Variants in TFDP2 observed in about 807,000 individuals in gnomAD.
TFDP2 encodes the protein transcription factor Dp-2 (E2F dimerization partner 2).
Under a neutral mutation model 59.3 loss-of-function variants are expected in TFDP2, and 17 were observed. The observed-to-expected ratio is 0.29, with a 90% CI of 0.20 to 0.43. The LOEUF (loss-of-function observed/expected upper bound fraction) is 0.43, where lower values mean the gene tolerates loss of function less well. Ranked by LOEUF, TFDP2 falls within the 20% of genes least tolerant of loss-of-function variation. The pLI is 1.00. For synonymous variants in TFDP2, 180 were observed against 194.7 expected (o/e 0.92, Z 0.63); for missense variants, 391 against 528.8 (o/e 0.74, Z 2.56).
intron 5 of TFDP2, 119 bp from the exon 6 acceptor site, chr3:141,993,704 A>T: frequency 2.0e-6 from 1 of 508,466 alleles, no homozygotes; most frequent in Non-Finnish European, 3.4e-6. Context: ...GACTAAAACT[A>T]GCAAATACAA....
chr3:141,967,280 G>A (rs1165249055), intron 9 of TFDP2, among the ~76,000 whole-genome samples: 1 of 150,732 alleles, frequency 6.6e-6, no homozygotes, highest in African/African-American at 2.4e-5. Context: ...AATGCTAGGA[G>A]GAAATAAGTT....
chr3:142,039,969 G>A (rs568314709), intron 3 of TFDP2, among the ~76,000 whole-genome samples: 1 of 152,108 alleles, frequency 6.6e-6, no homozygotes, highest in African/African-American at 2.4e-5. Context: ...TCCAGACTAG[G>A]TTGACTCAAT....
At chr3:141,973,110 TATATATATATATA>T (rs1559951242) in intron 8 of TFDP2, among the ~76,000 whole-genome samples, 2 of 109,758 alleles carry the variant, frequency 1.8e-5, no homozygotes, top group Non-Finnish European at 1.9e-5. Context: ...TATATATATA[TATATATATATATA>T]TTTTTTTTTT....
intron 10 of TFDP2, 29 bp downstream of exon 10, chr3:141,963,783 C>G (rs1937582731): frequency 6.2e-7 from 1 of 1,603,556 alleles, no homozygotes; most frequent in Non-Finnish European, 8.5e-7. Flanking sequence ...GAAGGCCAGC[C>G]CTGCACCCAT....
chr3:142,115,540 G>A (rs939901456), intron 1 of TFDP2, among the ~76,000 whole-genome samples: 4 of 152,196 alleles, frequency 2.6e-5, no homozygotes, highest in African/African-American at 7.2e-5. Context: ...GGATGGTCTC[G>A]ATCTCCTGAC....
Position 142,030,247 on chromosome 3 carries a change from C to G in TFDP2, c.83-24703G>C, listed in dbSNP as rs976582622. Among the ~76,000 whole-genome samples the G allele has an allele frequency of 3.9e-5, 6 of 152,094 alleles. No homozygotes were observed. In the East Asian group the frequency reaches 1.2e-3, roughly 29 times the overall value. ...GGTTGTAAACACGTGTTAGTATAAACAAAACTGAAAATACAACCTATATGG... is the reference window on the plus strand; with the variant it reads ...GGTTGTAAACACGTGTTAGTATAAAGAAAACTGAAAATACAACCTATATGG... On this transcript the variant is annotated intron_variant, in intron 3 of 12. Coordinates refer to ENST00000489671, the MANE Select transcript of TFDP2 (RefSeq NM_001178139.2).
intron 3 of TFDP2, among the ~76,000 whole-genome samples, chr3:142,088,611 TTC>T (rs1323652709): frequency 1.5e-5 from 2 of 137,892 alleles, no homozygotes; most frequent in African/African-American, 3.0e-5. Flanking sequence ...CTTTTTTTTT[TTC>T]TTTTTTTTTT....
intron 10 of TFDP2, among the ~76,000 whole-genome samples, chr3:141,961,238 T>A (rs13092381): frequency 3.1e-5 from 3 of 96,406 alleles, no homozygotes; most frequent in Non-Finnish European, 6.8e-5. Flanking sequence ...TTTTTTGTTG[T>A]TTTTTTTTTT....
chr3:141,972,491 C>T (rs1414393486), intron 8 of TFDP2, among the ~76,000 whole-genome samples: 2 of 152,168 alleles, frequency 1.3e-5, no homozygotes, highest in Non-Finnish European at 2.9e-5. Flanking sequence ...GATATCTATC[C>T]TCCTTTCTCC....
Position 142,099,133 on chromosome 3 carries a change from A to C in TFDP2, c.15+2602T>G, listed in dbSNP as rs931361440. 4.0e-4 allele frequency among the ~76,000 whole-genome samples: 61 copies of C among 152,186 alleles called. 1 individual carries two copies. Among genetic ancestry groups the C allele is most frequent in the African/African-American group, 1.4e-3 (60 of 41,438 alleles). On this transcript the variant is annotated intron_variant, in intron 2 of 12. Transcript: ENST00000489671. The stretch of plus-strand genomic sequence containing the variant: ...AGAGGGCAATCTCTTCCCTATCTAC[A>C]ATCTCTTCTGTGTTTGTGAGTCACT...
At position 141,968,300 on chromosome 3, in the gene TFDP2, ATAAT is replaced by A. The variant is rs1373101492; in HGVS notation, c.732+1769_732+1772del. On this transcript the variant is annotated intron_variant, in intron 9 of 12. Coordinates refer to ENST00000489671, the MANE Select transcript of TFDP2 (RefSeq NM_001178139.2). ...TAATATATAACAATATATATAATAT[ATAAT>A]ATATATAACTATATATAACATATAA... is the stretch of plus-strand genomic sequence containing the variant. Among the ~76,000 whole-genome samples the A allele has an allele frequency of 3.1e-3, 409 of 130,396 alleles. 7 individuals are homozygous for A. The highest frequency in any genetic ancestry group is 0.011 in the African/African-American group (393 of 34,536). 85.5% of individuals were successfully genotyped at this position (130,396 alleles called of 152,430 possible).
At chr3:141,977,443 T>G (rs1940866907) in intron 7 of TFDP2, among the ~76,000 whole-genome samples, 1 of 151,510 alleles carries the variant, frequency 6.6e-6, no homozygotes, top group East Asian at 1.9e-4. Context: ...AAATTTTTTT[T>G]CTGTAGAGGC....
At chr3:141,985,630 A>G (rs1259883501) in intron 6 of TFDP2, among the ~76,000 whole-genome samples, 1 of 152,126 alleles carries the variant, frequency 6.6e-6, no homozygotes. Flanking sequence ...CAAAGCAAAG[A>G]CCTAAATGTA....
At chr3:142,145,029 G>A (rs760697663) in intron 1 of TFDP2, among the ~76,000 whole-genome samples, 2 of 152,108 alleles carry the variant, frequency 1.3e-5, no homozygotes, top group Non-Finnish European at 2.9e-5. Context: ...AGAAATAGAT[G>A]TACATTACCT....
chr3:141,969,051 TAAC>T lies in TFDP2; in HGVS notation c.732+1019_732+1021del, dbSNP rs1295461686. Among the ~76,000 whole-genome samples, 2 of 88,720 alleles carry T rather than the reference TAAC, an allele frequency of 2.3e-5. 1 individual carries two copies. The highest frequency in any genetic ancestry group is 4.3e-5 in the Non-Finnish European group (2 of 46,952). 58.2% of individuals were successfully genotyped at this position (88,720 alleles called of 152,430 possible). On this transcript the variant is annotated intron_variant, in intron 9 of 12. Coordinates refer to ENST00000489671, the MANE Select transcript of TFDP2 (RefSeq NM_001178139.2). Reference sequence around the variant, plus strand: ...TATATCTCATATATAGATATATATATAACATATATATCTCATATATATGAGATA... The same window carrying T: ...TATATCTCATATATAGATATATATATATATATATCTCATATATATGAGATA...
At chr3:142,141,992 T>C (rs1414078275) in intron 1 of TFDP2, among the ~76,000 whole-genome samples, 1 of 152,166 alleles carries the variant, frequency 6.6e-6, no homozygotes, top group Admixed American at 6.5e-5. Flanking sequence ...GCTAGTATCA[T>C]ACTGAATGGG....
intron 3 of TFDP2, among the ~76,000 whole-genome samples, chr3:142,081,676 G>C (rs2060642620): frequency 2.0e-5 from 3 of 152,148 alleles, no homozygotes; most frequent in Admixed American, 1.3e-4. Context: ...AAATTCATTA[G>C]TGGCTACTAG....
In TFDP2 at chr3:141,948,712, T is replaced by A. The variant is rs1166603048; in HGVS notation, c.*3801A>T. ...ACATTTATACTTGGAGCAACTCTGC[T>A]GTCTCTATGACCCAAGTAGCCAAAA... On this transcript the variant is annotated 3_prime_UTR_variant, in exon 13 of 13. Transcript: ENST00000489671. 6.6e-6 allele frequency: 1 copy of A among 152,148 alleles called. No homozygotes were observed. Among genetic ancestry groups the A allele is most frequent in the Non-Finnish European group, 1.5e-5 (1 of 68,066 alleles). 9.4% of individuals were successfully genotyped at this position (152,148 alleles called of 1,614,324 possible). A position where few individuals can be genotyped will look rare whatever the true frequency, so the allele number is the denominator to read the frequency against.
chr3:142,113,239 A>G (rs1400307493), intron 1 of TFDP2, among the ~76,000 whole-genome samples: 1 of 147,852 alleles, frequency 6.8e-6, no homozygotes, highest in Non-Finnish European at 1.5e-5. Flanking sequence ...AAAACAAGCT[A>G]GATGACATTT....
Sources: gnomAD v4.1 joint callset for allele counts (sites outside exome capture counted in the v4.1 genomes callset) on GRCh38, gnomAD v4.1.1 for gene constraint, MANE v1.5 for transcripts, NCBI Gene and HGNC (gene_info 2026-07-23, HGNC 2026-07-21) for gene names.